COIL: variants seen among roughly 807,000 people sequenced by gnomAD.
COIL encodes the protein coilin, also known as coilin p80.
Under a neutral mutation model 51.6 loss-of-function variants are expected in COIL, and 28 were observed. That is an observed-to-expected ratio of 0.54 (90% CI 0.40 to 0.74). COIL has a LOEUF of 0.74. Among genes scored for constraint, COIL ranks in the 30% least tolerant of loss-of-function variants. The pLI is 0.00. For synonymous variants in COIL, 233 were observed against 255.8 expected (o/e 0.91, Z 0.85); for missense variants, 667 against 685.9 (o/e 0.97, Z 0.31).
At chr17:56,960,296 A>AGCG (rs1404044657) in intron 1 of COIL, among the ~76,000 whole-genome samples, 1 of 151,764 alleles carries the variant, frequency 6.6e-6, no homozygotes, top group African/African-American at 2.4e-5. Flanking sequence ...GGCCGATGCA[A>AGCG]GCGGATCAAC....
Position 56,942,030 on chromosome 17 carries a change from C to A in COIL, c.1647+5G>T. On this transcript the variant is annotated splice_donor_5th_base_variant and intron_variant, in intron 6 of 6. Transcript: ENST00000240316. ...CAAGCAACGCAAGAAGAGAAGCACA[C>A]CTACCTTGCTCTCCTGTGTCACAGC... 6.2e-7 allele frequency: 1 copy of A among 1,611,778 alleles called. No individual in the cohort carries two copies. Among genetic ancestry groups the A allele is most frequent in the East Asian group, 2.2e-5 (1 of 44,862 alleles).
Position 56,950,152 on chromosome 17 carries a change from C to T in COIL, c.1090G>A (p.Ala364Thr), listed in dbSNP as rs1251807633. 1.2e-6 allele frequency: 2 copies of T among 1,614,084 alleles called. No individual in the cohort carries two copies. The highest frequency in any genetic ancestry group is 1.7e-6 in the Non-Finnish European group (2 of 1,180,046). Residue 364 changes from alanine (A) to threonine (T), a missense_variant, in exon 2 of 7, where the codon GCT becomes ACT. Transcript: ENST00000240316. ...GPGLSSQTAGAAGWRRSGSNG... is the reference protein window; with the variant it reads ...GPGLSSQTAGTAGWRRSGSNG... ...GAGCCAGAACGCCTCCATCCAGCAG[C>T]ACCTGCAGTCTGTGATGACAGCCCT...
chr17:56,959,401 G>C (rs1393448438), intron 1 of COIL, among the ~76,000 whole-genome samples: 1 of 152,092 alleles, frequency 6.6e-6, no homozygotes, highest in Admixed American at 6.5e-5. Flanking sequence ...ATCCAAACTG[G>C]AATGATCAGA....
chr17:56,954,512 G>A (rs572632513), intron 1 of COIL, among the ~76,000 whole-genome samples: 57 of 151,660 alleles, frequency 3.8e-4, no homozygotes, highest in African/African-American at 1.3e-3. Context: ...AGTAAGCCAA[G>A]ATCACGCCAC....
rs1379611557 is a variant in COIL at position 56,938,461 on chromosome 17, CAT to C, written c.*608_*609del. The C allele has an allele frequency of 2.0e-5, 3 of 152,068 alleles. No individual in the cohort carries two copies. The highest frequency in any genetic ancestry group is 7.3e-5 in the African/African-American group (3 of 41,374). 9.4% of individuals were successfully genotyped at this position (152,068 alleles called of 1,614,324 possible). ...CACCAATTCTCCAGGCATACACACA[CAT>C]ACGCACATCTTATTTTCACTGCTCT... is the stretch of plus-strand genomic sequence containing the variant. On this transcript the variant is annotated 3_prime_UTR_variant, in exon 7 of 7. Coordinates refer to ENST00000240316, the MANE Select transcript of COIL (RefSeq NM_004645.3).
At position 56,950,156 on chromosome 17, in the gene COIL, T is replaced by C. The variant is rs745393332; in HGVS notation, c.1086A>G (p.Ala362=). The change falls in exon 2 of 7, where the codon GCA becomes GCG. Residue 362 remains alanine (A), a synonymous_variant. Transcript: ENST00000240316. ...RPGPGLSSQT[A]GAAGWRRSGS... is the part of the protein sequence containing the mutation. The stretch of plus-strand genomic sequence containing the variant: ...CAGAACGCCTCCATCCAGCAGCACC[T>C]GCAGTCTGTGATGACAGCCCTGGGC... 3 of 1,614,176 alleles carry C rather than the reference T, an allele frequency of 1.9e-6. No homozygotes were observed. The highest frequency in any genetic ancestry group is 2.5e-6 in the Non-Finnish European group (3 of 1,180,038).
chr17:56,947,780 C>T (rs1169603556), intron 4 of COIL, among the ~76,000 whole-genome samples: 1 of 152,044 alleles, frequency 6.6e-6, no homozygotes, highest in Non-Finnish European at 1.5e-5. Context: ...CATTAATAAG[C>T]AATTTTTAAA....
At position 56,960,875 on chromosome 17, in the gene COIL, A is replaced by G; in HGVS notation, c.145T>C (p.Phe49Leu). The G allele has an allele frequency of 1.9e-6, 3 of 1,614,078 alleles. No individual in the cohort carries two copies. The highest frequency in any genetic ancestry group is 1.7e-6 in the Non-Finnish European group (2 of 1,179,966). Residue 49 changes from phenylalanine to leucine, a missense_variant, in exon 1 of 7, where the codon TTC (phenylalanine) becomes CTC (leucine). Phe to Leu is a conservative substitution (Grantham distance 22, BLOSUM62 0). Transcript: ENST00000240316. ...TDLISLIRQR[F>L]GFSSGAFLGL... is the part of the protein sequence containing the mutation. ...AGGAAGGCCCCAGAACTGAAGCCGA[A>G]GCGCTGGCGGATGAGACTAATGAGA... is the stretch of plus-strand genomic sequence containing the variant.
intron 4 of COIL, among the ~76,000 whole-genome samples, chr17:56,948,374 C>T (rs1910291254): frequency 6.6e-6 from 1 of 151,632 alleles, no homozygotes; most frequent in African/African-American, 2.4e-5. Flanking sequence ...CTCCTGATCT[C>T]GTGATCCACC....
chr17:56,947,469 C>T (rs899676755), intron 4 of COIL, among the ~76,000 whole-genome samples: 11 of 151,994 alleles, frequency 7.2e-5, no homozygotes, highest in African/African-American at 2.7e-4. Context: ...ACAACTAATA[C>T]CAATTTAATA....
rs11382949 is a variant in COIL at position 56,953,410 on chromosome 17, C to CAAAA, written c.246-2418_246-2415dup. 4.6e-4 allele frequency among the ~76,000 whole-genome samples: 39 copies of CAAAA among 84,436 alleles called. 1 individual carries two copies. The highest frequency in any genetic ancestry group is 7.6e-4 in the East Asian group (2 of 2,638). The allele number at this position is 84,436 out of a possible 152,430, so 55.4% of individuals were successfully genotyped here. Reference sequence around the variant, plus strand: ...TGGGCAACAGAGCAAGACTCCGTCTCAAAAAAAAAAAAAAAAAAAAATACA... The same window carrying CAAAA: ...TGGGCAACAGAGCAAGACTCCGTCTCAAAAAAAAAAAAAAAAAAAAAAAAATACA... On this transcript the variant is annotated intron_variant, in intron 1 of 6. Coordinates refer to ENST00000240316, the MANE Select transcript of COIL (RefSeq NM_004645.3).
At chr17:56,956,904 A>G (rs1487412783) in intron 1 of COIL, among the ~76,000 whole-genome samples, 2 of 152,170 alleles carry the variant, frequency 1.3e-5, no homozygotes, top group Non-Finnish European at 2.9e-5. Context: ...TTCATCAAGT[A>G]TTAATTGCCA....
chr17:56,949,016 G>A (rs183546507), intron 4 of COIL, among the ~76,000 whole-genome samples: 1 of 152,248 alleles, frequency 6.6e-6, no homozygotes, highest in East Asian at 1.9e-4. Context: ...GCTCACACCT[G>A]TAATCCCAAC....
chr17:56,940,467 C>T (rs1164886936), intron 6 of COIL, among the ~76,000 whole-genome samples: 1 of 152,034 alleles, frequency 6.6e-6, no homozygotes, highest in Non-Finnish European at 1.5e-5. Flanking sequence ...GAGAGAAAAG[C>T]CTCCAAGGTT....
intron 1 of COIL, among the ~76,000 whole-genome samples, chr17:56,955,564 C>A (rs1910467412): frequency 6.6e-6 from 1 of 152,178 alleles, no homozygotes; most frequent in South Asian, 2.1e-4. Context: ...GCTATTTCTG[C>A]CACTGTAATT....
chr17:56,960,718 G>A (rs1910577605), intron 1 of COIL, 57 bp downstream of exon 1: 3 of 1,360,882 alleles, frequency 2.2e-6, no homozygotes, highest in Admixed American at 6.0e-5. Context: ...CCGGGCGTGC[G>A]CAGGCGCGTC....
At chr17:56,945,880 T>C (rs1910240647) in intron 5 of COIL, among the ~76,000 whole-genome samples, 1 of 152,226 alleles carries the variant, frequency 6.6e-6, no homozygotes, top group African/African-American at 2.4e-5. Flanking sequence ...GACGCCCGGC[T>C]AATTTTTGTA....
At position 56,960,846 on chromosome 17, in the gene COIL, G is replaced by A. The variant is rs1910584497; in HGVS notation, c.174C>T (p.Gly58=). ...GCAAGAGCCCCCCCTCCAGGTAGAG[G>A]CCTAGGAAGGCCCCAGAACTGAAGC... ...RFGFSSGAFL[G]LYLEGGLLPP... The change falls in exon 1 of 7, where the codon GGC becomes GGT. Residue 58 remains glycine (G), a synonymous_variant. Transcript: ENST00000240316. 5 of 1,610,424 alleles carry A rather than the reference G, an allele frequency of 3.1e-6. No individual in the cohort carries two copies. The highest frequency in any genetic ancestry group is 1.1e-5 in the South Asian group (1 of 90,592).
intron 6 of COIL, chr17:56,940,044 T>G (rs1373313195): frequency 1.3e-5 from 2 of 152,042 alleles, no homozygotes. Context: ...AGAGAAAAAC[T>G]CTAAGGCTTG....
Sources: allele counts gnomAD v4.1 joint callset (sites outside exome capture counted in the v4.1 genomes callset), GRCh38; gene constraint gnomAD v4.1.1; transcripts MANE v1.5; gene names NCBI Gene and HGNC (gene_info 2026-07-23, HGNC 2026-07-21).